RBFOX1: variants seen among roughly 807,000 people sequenced by gnomAD.
RBFOX1 encodes the protein RNA binding fox-1 homolog 1, also known as RNA binding protein fox-1 homolog 1.
Under a neutral mutation model 57.7 loss-of-function variants are expected in RBFOX1, and 8 were observed. The observed-to-expected ratio is 0.14, with a 90% CI of 0.08 to 0.25. The LOEUF (loss-of-function observed/expected upper bound fraction) is 0.25, where lower values mean the gene tolerates loss of function less well. Ranked by LOEUF, RBFOX1 falls within the 10% of genes least tolerant of loss-of-function variation. The pLI is 1.00. For missense variants in RBFOX1, 611 were observed against 548.5 expected, an observed-to-expected ratio of 1.11 and a Z score of -1.14; for synonymous variants, 326 against 222.4, an observed-to-expected ratio of 1.47 and a Z score of -4.15.
At chr16:7,183,879 A>T (rs1400287583) in intron 4 of RBFOX1, among the ~76,000 whole-genome samples, 1 of 152,208 alleles carries the variant, frequency 6.6e-6, no homozygotes, top group Non-Finnish European at 1.5e-5. Context: ...TGGAACCACC[A>T]TTCTAATTGA....
intron 6 of RBFOX1, 51 bp downstream of exon 6, chr16:7,579,971 C>T (rs765630628): frequency 1.3e-6 from 2 of 1,584,546 alleles, no homozygotes; most frequent in African/African-American, 1.3e-5. Flanking sequence ...GTTCCAGAGA[C>T]CTCCCTGTCT....
chr16:5,625,245 G>C (rs1246419854), intron 3 of RBFOX1, among the ~76,000 whole-genome samples: 1 of 152,090 alleles, frequency 6.6e-6, no homozygotes, highest in Non-Finnish European at 1.5e-5. Flanking sequence ...AGGATCTGTA[G>C]CAGGACCTGG....
chr16:7,614,045 C>T (rs968862419), intron 10 of RBFOX1, among the ~76,000 whole-genome samples: 7 of 152,174 alleles, frequency 4.6e-5, no homozygotes, highest in Non-Finnish European at 1.0e-4. Context: ...AGCAAATATT[C>T]AGGTGCCCCT....
chr16:6,834,277 C>T (rs1043658265), intron 3 of RBFOX1, among the ~76,000 whole-genome samples: 8 of 151,948 alleles, frequency 5.3e-5, no homozygotes, highest in Admixed American at 2.6e-4. Flanking sequence ...GGTTTCACCA[C>T]GTTGGCCAGG....
chr16:7,693,360 C>G, intron 14 of RBFOX1: 1 of 1,611,566 alleles, frequency 6.2e-7, no homozygotes, highest in Non-Finnish European at 8.5e-7. Flanking sequence ...CTTGTAACAC[C>G]TCTGCAGGTA....
At chr16:6,620,377 G>T (rs1485177289) in intron 2 of RBFOX1, among the ~76,000 whole-genome samples, 2 of 152,086 alleles carry the variant, frequency 1.3e-5, no homozygotes, top group African/African-American at 4.8e-5. Flanking sequence ...AGCACTAAAT[G>T]CCCACATCCA....
chr16:7,215,145 G>C (rs891125085), intron 4 of RBFOX1, among the ~76,000 whole-genome samples: 10 of 152,254 alleles, frequency 6.6e-5, no homozygotes, highest in African/African-American at 1.9e-4. Context: ...ACTTATGAGT[G>C]AGAACATGTG....
rs951428715 is a variant in RBFOX1 at position 7,099,987 on chromosome 16, A to G, written c.27+47889A>G. On this transcript the variant is annotated intron_variant, in intron 4 of 15. Coordinates refer to ENST00000550418, the MANE Select transcript of RBFOX1 (RefSeq NM_018723.4). ...GCATGTTCACCCCTCAGTTCTCATC[A>G]TGGTCTGAACCAGTCTTTCAGGTTA... Among the ~76,000 whole-genome samples, 6 of 152,138 alleles carry G rather than the reference A, an allele frequency of 3.9e-5. 1 individual carries two copies. Among genetic ancestry groups the G allele is most frequent in the Middle Eastern group, 6.8e-3 (2 of 294 alleles).
intron 4 of RBFOX1, among the ~76,000 whole-genome samples, chr16:7,134,343 G>A (rs934758615): frequency 2.0e-5 from 3 of 152,164 alleles, no homozygotes; most frequent in Non-Finnish European, 4.4e-5. Context: ...TACTGCTCCA[G>A]TATATATAAC....
intron 4 of RBFOX1, among the ~76,000 whole-genome samples, chr16:7,160,684 C>G (rs997734271): frequency 6.6e-6 from 1 of 151,966 alleles, no homozygotes; most frequent in Non-Finnish European, 1.5e-5. Context: ...TCTTAGTTTT[C>G]CTGGGGGGTT....
chr16:7,085,009 A>G (rs1045731210), intron 4 of RBFOX1, among the ~76,000 whole-genome samples: 5 of 152,088 alleles, frequency 3.3e-5, no homozygotes, highest in Non-Finnish European at 5.9e-5. Flanking sequence ...CATCCCACTA[A>G]TATGTCAGTG....
intron 4 of RBFOX1, among the ~76,000 whole-genome samples, chr16:7,142,620 G>T (rs911069171): frequency 2.0e-5 from 3 of 152,162 alleles, no homozygotes; most frequent in South Asian, 2.1e-4. Flanking sequence ...CTCATCTTCT[G>T]GACTGTCAAT....
chr16:6,079,089 A>C (rs2095957125), intron 1 of RBFOX1, among the ~76,000 whole-genome samples: 2 of 152,142 alleles, frequency 1.3e-5, no homozygotes, highest in Non-Finnish European at 2.9e-5. Context: ...CAGGCAGATC[A>C]CTTGAGGTCA....
intron 2 of RBFOX1, among the ~76,000 whole-genome samples, chr16:6,348,862 C>T (rs1415982288): frequency 6.6e-6 from 1 of 152,138 alleles, no homozygotes. Context: ...GACGGAGACA[C>T]AGATCCAAAC....
chr16:7,209,406 C>T (rs1156767515), intron 4 of RBFOX1, among the ~76,000 whole-genome samples: 1 of 152,144 alleles, frequency 6.6e-6, no homozygotes, highest in Non-Finnish European at 1.5e-5. Flanking sequence ...AGAGCCCACC[C>T]TAGTGACCTC....
chr16:5,620,916 C>T (rs867387776), intron 3 of RBFOX1, among the ~76,000 whole-genome samples: 4 of 151,818 alleles, frequency 2.6e-5, no homozygotes, highest in Admixed American at 2.0e-4. Context: ...TCTCGGCTCA[C>T]TGCAAGTTCC....
At chr16:6,887,379 GT>G (rs1250070495) in intron 3 of RBFOX1, among the ~76,000 whole-genome samples, 3 of 152,040 alleles carry the variant, frequency 2.0e-5, no homozygotes, top group Non-Finnish European at 2.9e-5. Flanking sequence ...GGCCTTATGG[GT>G]TCATTGTGAT....
chr16:5,959,642 G>T (rs549288701), intron 4 of RBFOX1, among the ~76,000 whole-genome samples: 1 of 152,274 alleles, frequency 6.6e-6, no homozygotes, highest in Non-Finnish European at 1.5e-5. Context: ...GAATTTTAAG[G>T]ATGTGTAAGG....
At chr16:7,064,214 G>C (rs948220693) in intron 4 of RBFOX1, among the ~76,000 whole-genome samples, 4 of 135,606 alleles carry the variant, frequency 2.9e-5, no homozygotes, top group African/African-American at 1.1e-4. Flanking sequence ...TGTGGCCTAG[G>C]CTGGAGTGCA....
Sources: gnomAD v4.1 joint callset for allele counts (sites outside exome capture counted in the v4.1 genomes callset) on GRCh38, gnomAD v4.1.1 for gene constraint, MANE v1.5 for transcripts, NCBI Gene and HGNC (gene_info 2026-07-23, HGNC 2026-07-21) for gene names.